STK39: variants seen among roughly 807,000 people sequenced by gnomAD.
STK39 encodes the protein serine/threonine kinase 39.
STK39 carries 20 observed loss-of-function variants against 77.8 expected under a neutral mutation model. That is an observed-to-expected ratio of 0.26 (90% CI 0.18 to 0.37). STK39 has a LOEUF of 0.37. Ranked by LOEUF, STK39 falls within the 10% of genes least tolerant of loss-of-function variation. STK39 has a pLI of 1.00. For synonymous variants in STK39, 246 were observed against 234.1 expected, an observed-to-expected ratio of 1.05 and a Z score of -0.47; for missense variants, 479 against 656.5, an observed-to-expected ratio of 0.73 and a Z score of 2.95.
chr2:168,100,472 C>T (rs1686793231), intron 10 of STK39, among the ~76,000 whole-genome samples: 1 of 152,092 alleles, frequency 6.6e-6, no homozygotes. Flanking sequence ...CTATGTTACC[C>T]AGGCTGGTCT....
chr2:167,971,933 T>G (rs1692358435), intron 16 of STK39, among the ~76,000 whole-genome samples: 1 of 152,240 alleles, frequency 6.6e-6, no homozygotes, highest in Non-Finnish European at 1.5e-5. Context: ...TGTCTGCGTT[T>G]TGTCTCATGT....
chr2:167,968,279 A>G (rs1297727496), intron 16 of STK39, among the ~76,000 whole-genome samples: 2 of 152,180 alleles, frequency 1.3e-5, no homozygotes, highest in Non-Finnish European at 2.9e-5. Flanking sequence ...TGGTAGAGCA[A>G]TTTATTTTCT....
intron 17 of STK39, among the ~76,000 whole-genome samples, chr2:167,962,102 C>T (rs542692270): frequency 2.6e-4 from 40 of 152,148 alleles, no homozygotes; most frequent in Non-Finnish European, 4.7e-4. Flanking sequence ...CATGACACTG[C>T]TGTTCTTTAG....
At chr2:168,024,085 A>G (rs1402000773) in intron 14 of STK39, among the ~76,000 whole-genome samples, 1 of 152,194 alleles carries the variant, frequency 6.6e-6, no homozygotes, top group East Asian at 1.9e-4. Context: ...GGAATTGGTC[A>G]GGACATCATT....
intron 14 of STK39, among the ~76,000 whole-genome samples, chr2:168,044,680 A>G (rs10191775): frequency 0.14 from 21,208 of 152,258 alleles, 1,639 homozygotes; most frequent in Middle Eastern, 0.18. Flanking sequence ...ACTTTGTTGC[A>G]CTGTGGTGAG....
At chr2:168,007,348 T>A (rs937671091) in intron 16 of STK39, among the ~76,000 whole-genome samples, 1 of 152,162 alleles carries the variant, frequency 6.6e-6, no homozygotes, top group African/African-American at 2.4e-5. Flanking sequence ...TTACGATATA[T>A]CTATATATAT....
rs1429153220 is a variant in STK39 at position 168,076,721 on chromosome 2, C to A, written c.1090-1490G>T. On this transcript the variant is annotated intron_variant, in intron 10 of 17. Coordinates refer to ENST00000355999, the MANE Select transcript of STK39 (RefSeq NM_013233.3). ...GCTTTTTTCTCCAACCCCTACCCCC[C>A]AAATTTTTCTTTTTAACTAATTTAT... is the stretch of plus-strand genomic sequence containing the variant. 4.6e-5 allele frequency among the ~76,000 whole-genome samples: 7 copies of A among 152,064 alleles called. No homozygotes were observed. The South Asian group carries it at 6.2e-4, about 14-fold the overall frequency.
intron 1 of STK39, among the ~76,000 whole-genome samples, chr2:168,207,215 CA>C (rs773202548): frequency 2.2e-4 from 33 of 152,290 alleles, no homozygotes; most frequent in South Asian, 4.1e-4. Flanking sequence ...ATAACATTTG[CA>C]TTATTTTTAT....
intron 2 of STK39, among the ~76,000 whole-genome samples, chr2:168,179,110 T>C (rs1029833428): frequency 6.6e-6 from 1 of 152,176 alleles, no homozygotes; most frequent in Admixed American, 6.5e-5. Context: ...CAGTGGCCAT[T>C]GTTTCTTCTA....
chr2:168,151,103 A>C (rs115454842), intron 5 of STK39, among the ~76,000 whole-genome samples: 173 of 151,252 alleles, frequency 1.1e-3, no homozygotes, highest in Middle Eastern at 3.4e-3. Context: ...GTATTTCCTG[A>C]GTCTAGGCCC....
chr2:168,214,090 G>A (rs1043654515), intron 1 of STK39, among the ~76,000 whole-genome samples: 1 of 152,126 alleles, frequency 6.6e-6, no homozygotes, highest in Non-Finnish European at 1.5e-5. Context: ...GGACTCTAGA[G>A]CCAGCCTGCC....
At chr2:168,082,941 A>G (rs977427629) in intron 10 of STK39, among the ~76,000 whole-genome samples, 3 of 152,130 alleles carry the variant, frequency 2.0e-5, no homozygotes, top group Admixed American at 1.3e-4. Flanking sequence ...CATCATGTTC[A>G]CCAGGGGCAT....
At chr2:167,988,239 A>G (rs1023648749) in intron 16 of STK39, among the ~76,000 whole-genome samples, 2 of 152,180 alleles carry the variant, frequency 1.3e-5, no homozygotes, top group African/African-American at 2.4e-5. Context: ...CCCCTCCCCT[A>G]TATCAGACAG....
intron 17 of STK39, among the ~76,000 whole-genome samples, chr2:167,956,696 A>ACACACACACACACACC (rs776309488): frequency 1.0e-4 from 5 of 49,006 alleles, no homozygotes; most frequent in South Asian, 6.7e-4. Context: ...ACACACACAC[A>ACACACACACACACACC]CTCTCTCTCT....
intron 16 of STK39, among the ~76,000 whole-genome samples, chr2:167,975,191 A>T (rs1574358337): frequency 6.6e-6 from 1 of 152,208 alleles, no homozygotes; most frequent in African/African-American, 2.4e-5. Context: ...CATGGAAAAG[A>T]CAAAATGCAA....
chr2:168,034,068 G>A (rs1229399476), intron 14 of STK39, among the ~76,000 whole-genome samples: 2 of 152,180 alleles, frequency 1.3e-5, no homozygotes. Context: ...CTAAACAAGA[G>A]TGTAGGTATC....
intron 10 of STK39, among the ~76,000 whole-genome samples, chr2:168,108,738 AT>A (rs1287984967): frequency 6.6e-6 from 1 of 152,138 alleles, no homozygotes; most frequent in African/African-American, 2.4e-5. Flanking sequence ...GATAAGCAAT[AT>A]TCACGCATAT....
At chr2:167,967,056 G>A (rs1166404746) in intron 16 of STK39, among the ~76,000 whole-genome samples, 1 of 152,160 alleles carries the variant, frequency 6.6e-6, no homozygotes, top group Non-Finnish European at 1.5e-5. Context: ...GAGAAGGAAG[G>A]GCTGGGTAGG....
chr2:168,138,470 T>C (rs779583597), intron 7 of STK39, among the ~76,000 whole-genome samples: 2 of 152,224 alleles, frequency 1.3e-5, no homozygotes, highest in African/African-American at 2.4e-5. Flanking sequence ...TTAAGAATGA[T>C]CCCGGACAGA....
Sources: allele counts gnomAD v4.1 joint callset (sites outside exome capture counted in the v4.1 genomes callset), GRCh38; gene constraint gnomAD v4.1.1; transcripts MANE v1.5; gene names NCBI Gene and HGNC (gene_info 2026-07-23, HGNC 2026-07-21).